CNGB1: variants seen among roughly 807,000 people sequenced by gnomAD.
CNGB1 encodes the protein cyclic nucleotide gated channel subunit beta 1.
CNGB1 carries 126 observed loss-of-function variants against 151.7 expected under a neutral mutation model. The ratio of observed to expected loss-of-function variants is 0.83; its 90% confidence interval spans 0.72 to 0.96. CNGB1 has a LOEUF of 0.96. Among genes scored for constraint, CNGB1 ranks in the 40% least tolerant of loss-of-function variants. The probability of loss-of-function intolerance (pLI) is 0.00; values close to 1 mark genes in which losing one functional copy is unlikely to be tolerated. For missense variants in CNGB1, 1,698 were observed against 1,627.0 expected, an observed-to-expected ratio of 1.04 and a Z score of -0.75; for synonymous variants, 623 against 635.1, an observed-to-expected ratio of 0.98 and a Z score of 0.29.
intron 29 of CNGB1, among the ~76,000 whole-genome samples, chr16:57,898,782 C>A (rs1279276140): frequency 2.6e-5 from 4 of 152,160 alleles, no homozygotes; most frequent in Non-Finnish European, 5.9e-5. Flanking sequence ...ACTCTTTGCC[C>A]AAGAGCTGGG....
At chr16:57,894,039 C>T (rs1371612731) in intron 31 of CNGB1, among the ~76,000 whole-genome samples, 1 of 152,084 alleles carries the variant, frequency 6.6e-6, no homozygotes, top group African/African-American at 2.4e-5. Flanking sequence ...AAACAAAAAC[C>T]GGCTTTTCTA....
chr16:57,944,858 G>T (rs1366082715), intron 14 of CNGB1, among the ~76,000 whole-genome samples: 5 of 149,706 alleles, frequency 3.3e-5, no homozygotes, highest in African/African-American at 1.2e-4. Context: ...GGAGGCTGAG[G>T]CAGGAGAATC....
intron 25 of CNGB1, among the ~76,000 whole-genome samples, chr16:57,911,035 C>T (rs1960695744): frequency 6.6e-6 from 1 of 152,190 alleles, no homozygotes; most frequent in African/African-American, 2.4e-5. Context: ...AAGTGGGTCT[C>T]ACCTCATTCG....
At chr16:57,890,574 T>C (rs1567362361) in intron 31 of CNGB1, among the ~76,000 whole-genome samples, 2 of 152,370 alleles carry the variant, frequency 1.3e-5, no homozygotes, top group African/African-American at 4.8e-5. Flanking sequence ...CATTTTCTGA[T>C]GATGTATGCT....
chr16:57,917,799 CT>C (rs1429042601), intron 20 of CNGB1, among the ~76,000 whole-genome samples: 26 of 129,784 alleles, frequency 2.0e-4, no homozygotes, highest in African/African-American at 7.0e-4. Flanking sequence ...CCCATCTCTA[CT>C]TAAAAAAAAA....
chr16:57,906,541 G>A (rs1367752399), intron 25 of CNGB1, among the ~76,000 whole-genome samples: 8 of 152,128 alleles, frequency 5.3e-5, no homozygotes, highest in South Asian at 2.1e-4. Flanking sequence ...GCTGTGGGCC[G>A]CCCTGCACCT....
At position 57,897,396 on chromosome 16, in the gene CNGB1, C is replaced by G. The variant is rs556751911; in HGVS notation, c.3242+1G>C. On this transcript the variant is annotated splice_donor_variant, in intron 31 of 32. Coordinates refer to ENST00000251102, the MANE Select transcript of CNGB1 (RefSeq NM_001297.5). LOFTEE classifies it high-confidence loss of function. ...TATTAAACGAAAGAAAAGTTACATA[C>G]CTGGCTTTCTTCCGGAGTAACTTCT... 1 of 1,613,908 alleles carries G rather than the reference C, an allele frequency of 6.2e-7. No homozygotes were observed. The highest frequency in any genetic ancestry group is 8.5e-7 in the Non-Finnish European group (1 of 1,179,926).
At chr16:57,900,242 C>T (rs1960349797) in intron 29 of CNGB1, among the ~76,000 whole-genome samples, 1 of 152,194 alleles carries the variant, frequency 6.6e-6, no homozygotes, top group Non-Finnish European at 1.5e-5. Context: ...CCCTCTTTGC[C>T]CCTAAGGTTG....
intron 18 of CNGB1, among the ~76,000 whole-genome samples, chr16:57,922,435 T>C (rs201381502): frequency 1.9e-5 from 2 of 103,022 alleles, no homozygotes; most frequent in Non-Finnish European, 2.4e-5. Flanking sequence ...TTCTTTCTTT[T>C]TTTTTTTTTT....
chr16:57,957,472 C>A (rs1183223950), intron 11 of CNGB1, 95 bp from the exon 12 acceptor site: 2 of 1,004,756 alleles, frequency 2.0e-6, no homozygotes, highest in African/African-American at 3.1e-5. Flanking sequence ...CCTTGACCCA[C>A]CTCTCCGGGC....
chr16:57,957,830 G>A (rs1451098503), intron 11 of CNGB1, among the ~76,000 whole-genome samples: 1 of 152,214 alleles, frequency 6.6e-6, no homozygotes, highest in Non-Finnish European at 1.5e-5. Context: ...GCAGTTCTGA[G>A]AGGGCCAGAG....
chr16:57,955,027 G>A (rs965319909), intron 12 of CNGB1: 6 of 1,214,682 alleles, frequency 4.9e-6, no homozygotes, highest in Non-Finnish European at 6.2e-6. Context: ...GGGATTACAG[G>A]CGTGAGCCAC....
intron 14 of CNGB1, among the ~76,000 whole-genome samples, chr16:57,947,973 C>T (rs1378809653): frequency 1.3e-5 from 2 of 152,206 alleles, no homozygotes; most frequent in Non-Finnish European, 2.9e-5. Context: ...GTTTCTGATG[C>T]CAAAGCCTGT....
chr16:57,885,750 T>C (rs114226590), intron 32 of CNGB1, among the ~76,000 whole-genome samples: 2,023 of 152,152 alleles, frequency 0.013, 50 homozygotes, highest in African/African-American at 0.046. Flanking sequence ...TGTGCCATCA[T>C]GCCTGGCTAA....
Position 57,882,898 on chromosome 16 carries a change from A to G in CNGB1, c.*1266T>C, listed in dbSNP as rs1443454156. On this transcript the variant is annotated 3_prime_UTR_variant, in exon 33 of 33. Transcript: ENST00000251102. ...CATCAGCTGGGAGATTTCATTTTCT[A>G]GGATTAATTGAAGTTGCTGCCACCA... The G allele has an allele frequency of 6.7e-6, 1 of 150,298 alleles. No individual in the cohort carries two copies. The highest frequency in any genetic ancestry group is 1.5e-5 in the Non-Finnish European group (1 of 67,840). The allele number at this position is 150,298 out of a possible 1,614,324, so 9.3% of individuals were successfully genotyped here. A position where few individuals can be genotyped will look rare whatever the true frequency, so the allele number is the denominator to read the frequency against.
chr16:57,919,005 C>T, intron 20 of CNGB1, 94 bp downstream of exon 20: 1 of 1,588,294 alleles, frequency 6.3e-7, no homozygotes, highest in Non-Finnish European at 8.6e-7. Flanking sequence ...CCTCCCATCC[C>T]ACCTCTTGAA....
Position 57,965,323 on chromosome 16 carries a change from A to G in CNGB1, c.160-779T>C, listed in dbSNP as rs377587099. ...TACATGTGTATGTACATATGCATGCATGCCCCAACACATATATGTGCATAC... is the reference window on the plus strand; with the variant it reads ...TACATGTGTATGTACATATGCATGCGTGCCCCAACACATATATGTGCATAC... On this transcript the variant is annotated intron_variant, in intron 2 of 32. Coordinates refer to ENST00000251102, the MANE Select transcript of CNGB1 (RefSeq NM_001297.5). 1.7e-4 allele frequency among the ~76,000 whole-genome samples: 26 copies of G among 152,336 alleles called. No homozygotes were observed. The East Asian group carries it at 4.1e-3, about 24-fold the overall frequency.
chr16:57,948,051 C>T (rs576480797), intron 14 of CNGB1, among the ~76,000 whole-genome samples: 138 of 152,292 alleles, frequency 9.1e-4, no homozygotes, highest in Middle Eastern at 3.4e-3. Context: ...GGAGAAAGGA[C>T]GCGGGTCATG....
chr16:57,891,983 C>A (rs1260497705), intron 31 of CNGB1, among the ~76,000 whole-genome samples: 1 of 149,780 alleles, frequency 6.7e-6, no homozygotes. Flanking sequence ...TTGCAGACTT[C>A]TTGTGCTTAG....
Sources: allele counts gnomAD v4.1 joint callset (sites outside exome capture counted in the v4.1 genomes callset), GRCh38; gene constraint gnomAD v4.1.1; transcripts MANE v1.5; gene names NCBI Gene and HGNC (gene_info 2026-07-23, HGNC 2026-07-21).